The following ATL2 variants were observed in gnomAD, a reference collection of about 807,000 sequenced individuals.
The protein encoded by ATL2 is atlastin-2.
In ATL2, 31 loss-of-function variants were observed where a neutral mutation model predicts 73.9. The observed-to-expected ratio is 0.42, with a 90% CI of 0.32 to 0.57. ATL2 has a LOEUF of 0.57. Ranked by LOEUF, ATL2 falls within the 20% of genes least tolerant of loss-of-function variation. The pLI, the probability that ATL2 is intolerant of heterozygous loss-of-function variation, is 0.14. For missense variants in ATL2, 738 were observed against 702.6 expected (o/e 1.05, Z -0.57); for synonymous variants, 291 against 237.5 (o/e 1.23, Z -2.07).
At chr2:38,318,273 T>C (rs1469384178) in intron 4 of ATL2, 2 of 267,796 alleles carry the variant, frequency 7.5e-6, no homozygotes, top group African/African-American at 4.4e-5. Flanking sequence ...AGGTCAGGAG[T>C]TCGAGACCAG....
At chr2:38,360,692 T>C (rs556678903) in intron 1 of ATL2, among the ~76,000 whole-genome samples, 4 of 151,984 alleles carry the variant, frequency 2.6e-5, no homozygotes, top group Non-Finnish European at 5.9e-5. Flanking sequence ...TCACCTCAAG[T>C]CAAGACCAAA....
intron 2 of ATL2, among the ~76,000 whole-genome samples, chr2:38,342,828 C>T (rs1327653664): frequency 6.6e-6 from 1 of 151,988 alleles, no homozygotes; most frequent in Non-Finnish European, 1.5e-5. Flanking sequence ...GCAGTATATG[C>T]AGAAGGGAAT....
At chr2:38,336,851 C>T (rs945092098) in intron 2 of ATL2, among the ~76,000 whole-genome samples, 7 of 152,074 alleles carry the variant, frequency 4.6e-5, no homozygotes, top group African/African-American at 1.7e-4. Flanking sequence ...ATTCAAAAAC[C>T]GTTACATCAC....
intron 1 of ATL2, among the ~76,000 whole-genome samples, chr2:38,367,391 C>A (rs1162566799): frequency 6.6e-6 from 1 of 151,296 alleles, no homozygotes; most frequent in Non-Finnish European, 1.5e-5. Flanking sequence ...ATCACGAGGT[C>A]AGGAGATCGA....
chr2:38,330,367 T>A (rs1468380911), intron 2 of ATL2, among the ~76,000 whole-genome samples: 1 of 152,138 alleles, frequency 6.6e-6, no homozygotes, highest in Non-Finnish European at 1.5e-5. Context: ...TATTCATTAT[T>A]TATCACTTGT....
At chr2:38,365,516 A>C (rs1349095308) in intron 1 of ATL2, among the ~76,000 whole-genome samples, 1 of 152,046 alleles carries the variant, frequency 6.6e-6, no homozygotes, top group African/African-American at 2.4e-5. Context: ...ATTGGCCAGG[A>C]GCAGTGACTC....
At chr2:38,337,473 A>G (rs1392978364) in intron 2 of ATL2, among the ~76,000 whole-genome samples, 14 of 131,154 alleles carry the variant, frequency 1.1e-4, no homozygotes, top group South Asian at 2.8e-4. Context: ...GCGACAGAAC[A>G]AGACTCTGTC....
Position 38,351,520 on chromosome 2 carries a change from G to A in ATL2, c.119-8008C>T, listed in dbSNP as rs1244508132. Among the ~76,000 whole-genome samples, 3 of 148,874 alleles carry A rather than the reference G, an allele frequency of 2.0e-5. No individual in the cohort carries two copies. In the East Asian group the frequency reaches 5.9e-4, roughly 29 times the overall value. ...AATTTTTTTTTTTTTTTGAGACAGA[G>A]TTTTGCTCTGTTGCCCAGGCTGGAG... On this transcript the variant is annotated intron_variant, in intron 1 of 12. Transcript: ENST00000378954.
intron 2 of ATL2, among the ~76,000 whole-genome samples, chr2:38,327,540 CAAA>C (rs56332855): frequency 1.1e-5 from 1 of 89,964 alleles, no homozygotes; most frequent in African/African-American, 3.7e-5. Context: ...AAAAAAAGTA[CAAA>C]AAAAAAAAAA....
In ATL2 at chr2:38,296,055, T is replaced by G; in HGVS notation, c.1691A>C (p.Asn564Thr). 6.4e-7 allele frequency: 1 copy of G among 1,551,652 alleles called. No homozygotes were observed. Among genetic ancestry groups the G allele is most frequent in the Non-Finnish European group, 8.7e-7 (1 of 1,146,866 alleles). Residue 564 changes from asparagine (N) to threonine (T), a missense_variant, in exon 13 of 13, where the codon AAC (asparagine) becomes ACC (threonine). Coordinates refer to ENST00000378954, the MANE Select transcript of ATL2 (RefSeq NM_001135673.4). ...MEENIRQSVT[N>T]SIKAGLTDQV... ...GTCAGTCAGGCCTGCTTTGATAGAG[T>G]TTGTTACAGACTGCCTTATGTTTTC...
intron 2 of ATL2, among the ~76,000 whole-genome samples, chr2:38,337,599 C>CA (rs1018659126): frequency 1.4e-5 from 2 of 142,534 alleles, no homozygotes; most frequent in Non-Finnish European, 3.0e-5. Flanking sequence ...TTGTAATGTT[C>CA]AAAAAAGTCC....
chr2:38,364,116 C>G (rs1490175193), intron 1 of ATL2, among the ~76,000 whole-genome samples: 2 of 151,970 alleles, frequency 1.3e-5, no homozygotes, highest in Non-Finnish European at 1.5e-5. Flanking sequence ...ACAAAAATTA[C>G]CCGGGCGTGG....
intron 1 of ATL2, among the ~76,000 whole-genome samples, chr2:38,372,855 T>C (rs544640990): frequency 6.1e-4 from 93 of 152,326 alleles, no homozygotes; most frequent in Non-Finnish European, 1.2e-3. Context: ...ATCATGAACA[T>C]ATTATCAGCA....
rs533717383 is a variant in ATL2, at chr2:38,295,324, ATATT to A, written c.*666_*669del. On this transcript the variant is annotated 3_prime_UTR_variant, in exon 13 of 13. Transcript: ENST00000378954. ...TTTCTTCCCCAATAAAATTAATGGC[ATATT>A]TTATATACATGAAGGCTAAACTGCA... is the stretch of plus-strand genomic sequence containing the variant. The A allele has an allele frequency of 6.6e-6, 1 of 152,376 alleles. No individual in the cohort carries two copies. The highest frequency in any genetic ancestry group is 2.1e-4 in the South Asian group (1 of 4,832). 9.4% of individuals were successfully genotyped at this position (152,376 alleles called of 1,614,324 possible).
At chr2:38,314,713 A>C in intron 5 of ATL2, 49 bp from the exon 6 acceptor site, 5 of 1,262,696 alleles carry the variant, frequency 4.0e-6, no homozygotes, top group Non-Finnish European at 5.7e-6. Flanking sequence ...GATTGAAAGA[A>C]GACATGTGTA....
At chr2:38,330,849 C>G (rs1166831716) in intron 2 of ATL2, among the ~76,000 whole-genome samples, 1 of 152,200 alleles carries the variant, frequency 6.6e-6, no homozygotes, top group African/African-American at 2.4e-5. Flanking sequence ...TCCCAGCTAA[C>G]TTCTTGTAGA....
At chr2:38,332,797 C>T (rs1054165558) in intron 2 of ATL2, among the ~76,000 whole-genome samples, 7 of 152,198 alleles carry the variant, frequency 4.6e-5, no homozygotes, top group Non-Finnish European at 7.3e-5. Context: ...TGACATAAAT[C>T]TTATGCCTTG....
At chr2:38,370,247 T>A (rs1671600311) in intron 1 of ATL2, among the ~76,000 whole-genome samples, 2 of 145,692 alleles carry the variant, frequency 1.4e-5, no homozygotes, top group Non-Finnish European at 3.0e-5. Context: ...GTGGATCACC[T>A]GAGGTCAGGA....
chr2:38,354,113 A>T (rs1558443841), intron 1 of ATL2: 1 of 405,724 alleles, frequency 2.5e-6, no homozygotes, highest in South Asian at 1.7e-5. Context: ...AATCACTTGA[A>T]CCCGGGAGGT....
Sources: allele counts gnomAD v4.1 joint callset (sites outside exome capture counted in the v4.1 genomes callset), GRCh38; gene constraint gnomAD v4.1.1; transcripts MANE v1.5; gene names NCBI Gene and HGNC (gene_info 2026-07-23, HGNC 2026-07-21).